The following PPP1R12B variants were observed in gnomAD, a reference collection of about 807,000 sequenced individuals.
PPP1R12B encodes the protein protein phosphatase 1 regulatory subunit 12B.
In PPP1R12B, 76 loss-of-function variants were observed where a neutral mutation model predicts 126.1. The observed-to-expected ratio is 0.60, with a 90% confidence interval of 0.50 to 0.73. The LOEUF is 0.73. Among genes scored for constraint, PPP1R12B ranks in the 30% least tolerant of loss-of-function variants. The pLI, the probability that PPP1R12B is intolerant of heterozygous loss-of-function variation, is 0.00. For missense variants in PPP1R12B, 1,052 were observed against 1,205.1 expected, an observed-to-expected ratio of 0.87 and a Z score of 1.88; for synonymous variants, 356 against 434.7, an observed-to-expected ratio of 0.82 and a Z score of 2.25.
intron 1 of PPP1R12B, among the ~76,000 whole-genome samples, chr1:202,353,110 GAGCAA>G (rs1487767999): frequency 6.6e-6 from 1 of 152,190 alleles, no homozygotes; most frequent in East Asian, 1.9e-4. Flanking sequence ...AGGATAGGCT[GAGCAA>G]TTTATATTCA....
intron 1 of PPP1R12B, among the ~76,000 whole-genome samples, chr1:202,379,182 A>G (rs1370869060): frequency 6.6e-6 from 1 of 152,202 alleles, no homozygotes; most frequent in South Asian, 2.1e-4. Context: ...CAGTATTTCC[A>G]GAGCAAAATT....
At chr1:202,446,510 C>T (rs1387427121) in intron 12 of PPP1R12B, among the ~76,000 whole-genome samples, 3 of 148,566 alleles carry the variant, frequency 2.0e-5, no homozygotes, top group South Asian at 2.1e-4. Context: ...CCGCCCACTT[C>T]GGCCTCCCAA....
chr1:202,440,439 T>G (rs1671461232), intron 10 of PPP1R12B, among the ~76,000 whole-genome samples: 1 of 152,248 alleles, frequency 6.6e-6, no homozygotes, highest in African/African-American at 2.4e-5. Context: ...AGGTGCTGCT[T>G]TGCATAATTT....
intron 5 of PPP1R12B, 192 bp from the exon 6 acceptor site, chr1:202,428,663 A>G (rs1669848984): frequency 1.8e-6 from 1 of 548,984 alleles, no homozygotes; most frequent in Non-Finnish European, 3.2e-6. Context: ...TATTTAAAGG[A>G]TTTGGTGTTT....
rs567390846 is a variant in PPP1R12B, at chr1:202,529,874, A to G, written c.2491-29003A>G. Among the ~76,000 whole-genome samples, 42 of 152,326 alleles carry G rather than the reference A, an allele frequency of 2.8e-4. No individual in the cohort carries two copies. In the East Asian group the frequency reaches 6.7e-3, roughly 24 times the overall value. On this transcript the variant is annotated intron_variant, in intron 18 of 23. Coordinates refer to ENST00000608999, the MANE Select transcript of PPP1R12B (RefSeq NM_002481.4). ...ACCTTTCTCCTTAAGTTTTCAAAAC[A>G]CCTTTCTTGACATATAATTTCTGTA...
At chr1:202,418,951 C>T (rs150815655) in intron 2 of PPP1R12B, among the ~76,000 whole-genome samples, 2 of 152,092 alleles carry the variant, frequency 1.3e-5, no homozygotes, top group Non-Finnish European at 2.9e-5. Context: ...ACTTTATGCT[C>T]TTATTCCCAG....
At position 202,587,841 on chromosome 1, in the gene PPP1R12B, G is replaced by T. The variant is rs1689915095; in HGVS notation, c.*7281G>T. On this transcript the variant is annotated 3_prime_UTR_variant, in exon 24 of 24. Transcript: ENST00000608999. ...CCCGCTTGCCTTCTGATGAAGAGAG[G>T]TTAGGTAAAGAGAGTTTGGAGGAAA... The T allele has an allele frequency of 6.6e-6, 1 of 152,198 alleles. No individual in the cohort carries two copies. The highest frequency in any genetic ancestry group is 6.5e-5 in the Admixed American group (1 of 15,284). The allele number at this position is 152,198 out of a possible 1,614,324, so 9.4% of individuals were successfully genotyped here. A position where few individuals can be genotyped will look rare whatever the true frequency, so the allele number is the denominator to read the frequency against.
chr1:202,411,270 CAAAAAAA>C (rs771739035), intron 1 of PPP1R12B, among the ~76,000 whole-genome samples: 25 of 59,546 alleles, frequency 4.2e-4, no homozygotes, highest in Non-Finnish European at 4.3e-4. Context: ...CTTCTGGAGG[CAAAAAAA>C]AAAAAAAAAA....
At chr1:202,457,728 G>C (rs1184445243) in intron 13 of PPP1R12B, among the ~76,000 whole-genome samples, 2 of 152,114 alleles carry the variant, frequency 1.3e-5, no homozygotes, top group African/African-American at 4.8e-5. Context: ...AGATTGAATA[G>C]GGTGACAAGG....
rs763907628 is a variant in PPP1R12B at position 202,434,656 on chromosome 1, A to T, written c.1142A>T (p.Asp381Val). The T allele has an allele frequency of 6.2e-7, 1 of 1,609,268 alleles. No individual in the cohort carries two copies. The highest frequency in any genetic ancestry group is 1.1e-5 in the South Asian group (1 of 89,500). Residue 381 changes from aspartate (D) to valine (V), a missense_variant and splice_region_variant, in exon 9 of 24, where the codon GAT becomes GTT. Transcript: ENST00000608999. ...ASESETEKEA[D>V]KKPEAFVNHS... is the part of the protein sequence containing the mutation. Reference sequence around the variant, plus strand: ...TTAATTCTCTTGTCTTAAATAACAGATAAAAAGCCAGAAGCCTTTGTCAAT... The same window carrying T: ...TTAATTCTCTTGTCTTAAATAACAGTTAAAAAGCCAGAAGCCTTTGTCAAT...
intron 23 of PPP1R12B, chr1:202,576,749 T>C (rs1689128304): frequency 6.6e-6 from 1 of 152,264 alleles, no homozygotes; most frequent in Admixed American, 6.5e-5. Flanking sequence ...TTAACAGTTG[T>C]CATTTATTTA....
chr1:202,543,001 C>A (rs562507529), intron 18 of PPP1R12B, among the ~76,000 whole-genome samples: 1 of 151,960 alleles, frequency 6.6e-6, no homozygotes, highest in Non-Finnish European at 1.5e-5. Context: ...AAGTTTGATT[C>A]TTTTTTTTGA....
Position 202,370,206 on chromosome 1 carries a change from A to G in PPP1R12B, c.291+21064A>G, listed in dbSNP as rs1659977215. The G allele has an allele frequency of 1.7e-5, 3 of 179,840 alleles. 1 individual carries two copies. The highest frequency in any genetic ancestry group is 1.8e-4 in the East Asian group (1 of 5,700). The allele number at this position is 179,840 out of a possible 1,614,324, so 11.1% of individuals were successfully genotyped here. Reference sequence around the variant, plus strand: ...TTCCTGTTCAGAAGCCGGACATCCCACTCTTTCAGTTTTAGCTGTTTTAAA... The same window carrying G: ...TTCCTGTTCAGAAGCCGGACATCCCGCTCTTTCAGTTTTAGCTGTTTTAAA... On this transcript the variant is annotated intron_variant, in intron 1 of 23. Transcript: ENST00000608999.
At chr1:202,443,315 C>T (rs1355974068) in intron 12 of PPP1R12B, among the ~76,000 whole-genome samples, 1 of 152,138 alleles carries the variant, frequency 6.6e-6, no homozygotes, top group Non-Finnish European at 1.5e-5. Flanking sequence ...TGAATTCTTT[C>T]TTCACTTCCA....
intron 18 of PPP1R12B, 102 bp from the exon 19 acceptor site, chr1:202,558,775 A>G (rs1687214754): frequency 1.3e-6 from 1 of 768,196 alleles, no homozygotes; most frequent in Non-Finnish European, 2.2e-6. Context: ...TCTGATTTGA[A>G]AAGTGCATTT....
chr1:202,350,487 T>G (rs1655733213), intron 1 of PPP1R12B, among the ~76,000 whole-genome samples: 1 of 152,242 alleles, frequency 6.6e-6, no homozygotes, highest in South Asian at 2.1e-4. Flanking sequence ...TTCAGACTTA[T>G]GTCACAGAGA....
rs184423259 is a variant in PPP1R12B, at chr1:202,519,595, C to T, written c.2490+22773C>T. 4.3e-3 allele frequency among the ~76,000 whole-genome samples: 648 copies of T among 152,274 alleles called. 3 individuals are homozygous for T. Among genetic ancestry groups the T allele is most frequent in the African/African-American group, 0.015 (620 of 41,550 alleles). On this transcript the variant is annotated intron_variant, in intron 18 of 23. Transcript: ENST00000608999. ...CCTCAATTTAAAAATTATTAATCCA[C>T]TCTTAACTTCCATTTAGTGGAACTC...
chr1:202,499,170 C>T (rs1008802624), intron 18 of PPP1R12B, among the ~76,000 whole-genome samples: 2 of 152,138 alleles, frequency 1.3e-5, no homozygotes, highest in Non-Finnish European at 2.9e-5. Context: ...ATAAGTGATA[C>T]TAATCTATGG....
chr1:202,434,740 A>G lies in PPP1R12B; in HGVS notation c.1226A>G (p.Asn409Ser). 1 of 1,613,910 alleles carries G rather than the reference A, an allele frequency of 6.2e-7. No homozygotes were observed. The highest frequency in any genetic ancestry group is 2.2e-5 in the East Asian group (1 of 44,854). Residue 409 changes from asparagine (N) to serine (S), a missense_variant, in exon 9 of 24, where the codon AAT becomes AGT. By Grantham distance (46) the Asn-to-Ser change is conservative (BLOSUM62 1). Transcript: ENST00000608999. ...GAGCAGATACCAGCACCAGCTCAAA[A>G]TACCTTCTCTGCCTCTTCTGCTAGG... is the stretch of plus-strand genomic sequence containing the variant. ...ITEQIPAPAQNTFSASSARRF... is the reference protein window; with the variant it reads ...ITEQIPAPAQSTFSASSARRF...
Sources: allele counts gnomAD v4.1 joint callset (sites outside exome capture counted in the v4.1 genomes callset), GRCh38; gene constraint gnomAD v4.1.1; transcripts MANE v1.5; gene names NCBI Gene and HGNC (gene_info 2026-07-23, HGNC 2026-07-21).